The following DPP10 variants were observed in gnomAD, a reference collection of about 807,000 sequenced individuals.
The protein encoded by DPP10 is inactive dipeptidyl peptidase 10.
Under a neutral mutation model 120.9 loss-of-function variants are expected in DPP10, and 33 were observed. That is an observed-to-expected ratio of 0.27 (90% CI 0.21 to 0.37). The LOEUF (loss-of-function observed/expected upper bound fraction) is 0.37, where lower values mean the gene tolerates loss of function less well. Among genes scored for constraint, DPP10 ranks in the 10% least tolerant of loss-of-function variants. The probability of loss-of-function intolerance (pLI) is 1.00; values close to 1 mark genes in which losing one functional copy is unlikely to be tolerated. For missense variants in DPP10, 816 were observed against 942.8 expected (o/e 0.87, Z 1.76); for synonymous variants, 337 against 326.1 (o/e 1.03, Z -0.36).
At chr2:114,741,746 T>G (rs1678086250) in intron 1 of DPP10, among the ~76,000 whole-genome samples, 1 of 152,072 alleles carries the variant, frequency 6.6e-6, no homozygotes, top group Non-Finnish European at 1.5e-5. Context: ...AGGGAGAATA[T>G]GATCACATGA....
chr2:115,391,677 TTTA>T (rs1226561860), intron 3 of DPP10, among the ~76,000 whole-genome samples: 3 of 151,882 alleles, frequency 2.0e-5, no homozygotes, highest in African/African-American at 7.2e-5. Context: ...TAAATAAGCA[TTTA>T]TTATAATTAT....
chr2:114,917,136 T>G (rs1694865717), intron 1 of DPP10, among the ~76,000 whole-genome samples: 1 of 152,096 alleles, frequency 6.6e-6, no homozygotes, highest in Admixed American at 6.6e-5. Flanking sequence ...CAATACAAAA[T>G]CAATACATGC....
At chr2:115,506,588 A>G (rs2076953427) in intron 4 of DPP10, among the ~76,000 whole-genome samples, 1 of 152,160 alleles carries the variant, frequency 6.6e-6, no homozygotes, top group Non-Finnish European at 1.5e-5. Flanking sequence ...TTATATATAT[A>G]AAAATCTATG....
At chr2:114,863,725 T>C (rs1027458269) in intron 1 of DPP10, among the ~76,000 whole-genome samples, 2 of 152,212 alleles carry the variant, frequency 1.3e-5, no homozygotes, top group Non-Finnish European at 2.9e-5. Context: ...GTGACCATGG[T>C]TAAGGATAGC....
chr2:114,636,101 C>T (rs577481086), intron 1 of DPP10, among the ~76,000 whole-genome samples: 5 of 151,838 alleles, frequency 3.3e-5, no homozygotes, highest in African/African-American at 1.2e-4. Flanking sequence ...TTGAGTCTAA[C>T]CATAGTTTAT....
At chr2:115,377,545 T>C (rs1242409870) in intron 3 of DPP10, among the ~76,000 whole-genome samples, 1 of 152,202 alleles carries the variant, frequency 6.6e-6, no homozygotes, top group African/African-American at 2.4e-5. Context: ...GTGAAGAAGC[T>C]CTTTAGTTTA....
At position 115,034,225 on chromosome 2, in the gene DPP10, T is replaced by C. The variant is rs568711500; in HGVS notation, c.61-275014T>C. 2.6e-5 allele frequency among the ~76,000 whole-genome samples: 4 copies of C among 152,226 alleles called. No individual in the cohort carries two copies. The South Asian group carries it at 8.3e-4, about 32-fold the overall frequency. ...AATATCTTTCTCTAAAGTCTCTTCT[T>C]CCTTTCCTTTTTACTCCTGATTTTC... is the stretch of plus-strand genomic sequence containing the variant. On this transcript the variant is annotated intron_variant, in intron 1 of 25. Transcript: ENST00000410059.
At chr2:114,830,597 A>T (rs1687014469) in intron 1 of DPP10, among the ~76,000 whole-genome samples, 1 of 152,216 alleles carries the variant, frequency 6.6e-6, no homozygotes, top group Admixed American at 6.5e-5. Flanking sequence ...AGCACACAGT[A>T]GGTTCATAAG....
chr2:115,478,175 A>G (rs1268154775), intron 3 of DPP10, among the ~76,000 whole-genome samples: 1 of 152,178 alleles, frequency 6.6e-6, no homozygotes, highest in African/African-American at 2.4e-5. Flanking sequence ...GGAGGGGAGA[A>G]ACAGCCAAAC....
intron 3 of DPP10, among the ~76,000 whole-genome samples, chr2:115,418,656 C>T (rs2069652609): frequency 6.6e-6 from 1 of 151,268 alleles, no homozygotes; most frequent in Admixed American, 6.6e-5. Context: ...TCTGTGGTCC[C>T]AGCTACTTGG....
intron 3 of DPP10, among the ~76,000 whole-genome samples, chr2:115,476,407 C>A (rs58076599): frequency 6.6e-6 from 1 of 152,250 alleles, no homozygotes; most frequent in African/African-American, 2.4e-5. Context: ...ACTTCCTGTA[C>A]AGCCTATAGA....
rs187640582 is a variant in DPP10 at position 115,279,873 on chromosome 2, G to T, written c.61-29366G>T. ...GACAGGGTTTCACCATGTTGACCAG[G>T]CTGGTCTTGAACTCCTGATCTCAGG... On this transcript the variant is annotated intron_variant, in intron 1 of 25. Coordinates refer to ENST00000410059, the MANE Select transcript of DPP10 (RefSeq NM_020868.6). Among the ~76,000 whole-genome samples the T allele has an allele frequency of 5.9e-4, 89 of 151,644 alleles. 2 individuals are homozygous for T. In the East Asian group the frequency reaches 0.015, roughly 26 times the overall value.
intron 3 of DPP10, among the ~76,000 whole-genome samples, chr2:115,441,739 A>G (rs1032691510): frequency 2.6e-5 from 4 of 151,754 alleles, no homozygotes; most frequent in Admixed American, 2.0e-4. Flanking sequence ...TATTTGATTC[A>G]TCTTTCCCAT....
At chr2:115,794,827 GTA>G (rs914695912) in intron 19 of DPP10, among the ~76,000 whole-genome samples, 1 of 151,822 alleles carries the variant, frequency 6.6e-6, no homozygotes, top group African/African-American at 2.4e-5. Flanking sequence ...TTATAACCTC[GTA>G]TTGTTCTTTT....
intron 5 of DPP10, among the ~76,000 whole-genome samples, chr2:115,654,040 C>T (rs923842434): frequency 2.0e-5 from 3 of 151,622 alleles, no homozygotes; most frequent in African/African-American, 7.3e-5. Context: ...TTCGTAAAGC[C>T]CTACAACGTT....
chr2:114,631,451 A>G (rs1694919325), intron 1 of DPP10, among the ~76,000 whole-genome samples: 1 of 152,136 alleles, frequency 6.6e-6, no homozygotes, highest in South Asian at 2.1e-4. Flanking sequence ...TCAAGGCCAG[A>G]GCTAAAGGAA....
intron 1 of DPP10, among the ~76,000 whole-genome samples, chr2:115,080,917 T>C (rs1708220206): frequency 6.6e-6 from 1 of 152,200 alleles, no homozygotes; most frequent in Admixed American, 6.5e-5. Context: ...TCTCTTTTAG[T>C]GCATTAAAGA....
intron 1 of DPP10, among the ~76,000 whole-genome samples, chr2:114,759,967 T>G (rs1361549733): frequency 6.6e-6 from 1 of 152,122 alleles, no homozygotes; most frequent in Non-Finnish European, 1.5e-5. Flanking sequence ...GAGAAGCAAT[T>G]GATATTTTAG....
At chr2:115,813,444 A>G (rs1686880167) in intron 19 of DPP10, among the ~76,000 whole-genome samples, 1 of 152,142 alleles carries the variant, frequency 6.6e-6, no homozygotes, top group Non-Finnish European at 1.5e-5. Context: ...CTCTTCTTTA[A>G]TGGGCACCAG....
Sources: gnomAD v4.1 joint callset for allele counts (sites outside exome capture counted in the v4.1 genomes callset) on GRCh38, gnomAD v4.1.1 for gene constraint, MANE v1.5 for transcripts, NCBI Gene and HGNC (gene_info 2026-07-23, HGNC 2026-07-21) for gene names.